Variants in ARSB observed in about 807,000 individuals in gnomAD.
ARSB encodes N-acetylgalactosamine-4-sulfatase.
ARSB carries 41 observed loss-of-function variants against 50.9 expected under a neutral mutation model. That is an observed-to-expected ratio of 0.81 (90% CI 0.63 to 1.04). ARSB has a LOEUF of 1.04. ARSB is among the 50% of genes least tolerant of loss of function. ARSB has a pLI of 0.00. For synonymous variants in ARSB, 269 were observed against 284.8 expected (o/e 0.94, Z 0.56); for missense variants, 672 against 693.3 (o/e 0.97, Z 0.35).
intron 4 of ARSB, among the ~76,000 whole-genome samples, chr5:78,938,802 T>C (rs992657970): frequency 2.0e-5 from 3 of 152,216 alleles, no homozygotes; most frequent in African/African-American, 7.2e-5. Flanking sequence ...CATGTAATAT[T>C]GTGAAAGCTC....
At chr5:78,926,249 G>A (rs1750043498) in intron 4 of ARSB, among the ~76,000 whole-genome samples, 1 of 152,168 alleles carries the variant, frequency 6.6e-6, no homozygotes. Flanking sequence ...GCACATCACA[G>A]CAAACAAGTT....
At chr5:78,780,707 G>T (rs61218089) in intron 7 of ARSB, 45 bp from the exon 8 acceptor site, 5 of 1,609,912 alleles carry the variant, frequency 3.1e-6, no homozygotes, top group Admixed American at 1.7e-5. Context: ...AAGCACAGAG[G>T]CAGGTTCTAA....
At chr5:78,843,235 A>G (rs956887988) in intron 5 of ARSB, among the ~76,000 whole-genome samples, 3 of 152,218 alleles carry the variant, frequency 2.0e-5, no homozygotes, top group African/African-American at 7.2e-5. Flanking sequence ...AATGGGGCCC[A>G]ATAATCTGCA....
intron 5 of ARSB, among the ~76,000 whole-genome samples, chr5:78,862,627 T>G (rs1056605604): frequency 6.6e-6 from 1 of 152,174 alleles, no homozygotes; most frequent in Non-Finnish European, 1.5e-5. Context: ...CTTAAATGTT[T>G]GACCTAAAAC....
At chr5:78,985,749 C>G (rs1368682626), upstream of ARSB, 2 of 152,232 alleles carry the variant, frequency 1.3e-5, no homozygotes, top group Non-Finnish European at 2.9e-5. Flanking sequence ...GTCTAGCTAG[C>G]AAGTCATTTC....
chr5:78,945,802 A>T (rs1323697374), intron 4 of ARSB, among the ~76,000 whole-genome samples: 1 of 151,874 alleles, frequency 6.6e-6, no homozygotes, highest in African/African-American at 2.4e-5. Flanking sequence ...TTCCTTTCTC[A>T]CAGGCTAGAA....
Position 78,985,058 on chromosome 5 carries a change from C to A in ARSB, c.191G>T (p.Gly64Val). 1 of 1,541,246 alleles carries A rather than the reference C, an allele frequency of 6.5e-7. No homozygotes were observed. The highest frequency in any genetic ancestry group is 1.9e-5 in the Admixed American group (1 of 51,592). Residue 64 changes from glycine (G) to valine (V), a missense_variant, in exon 1 of 8, where the codon GGC (glycine) becomes GTC (valine). Gly to Val is a moderately radical substitution (Grantham distance 109). Coordinates refer to ENST00000264914, the MANE Select transcript of ARSB (RefSeq NM_000046.5). Reference protein sequence around the residue: ...DLGWNDVGFHGSRIRTPHLDA... With the variant: ...DLGWNDVGFHVSRIRTPHLDA... ...CAGGTGCGGCGTGCGGATGCGGGAG[C>A]CGTGGAAGCCGACGTCGTTCCAGCC...
intron 4 of ARSB, among the ~76,000 whole-genome samples, chr5:78,936,421 G>A (rs1011846815): frequency 6.6e-6 from 1 of 151,202 alleles, no homozygotes; most frequent in African/African-American, 2.4e-5. Context: ...ACTGTGCCTG[G>A]CCAGGGTCTT....
intron 3 of ARSB, among the ~76,000 whole-genome samples, chr5:78,957,689 T>C (rs535670008): frequency 6.6e-6 from 1 of 152,270 alleles, no homozygotes; most frequent in Admixed American, 6.5e-5. Context: ...TCCAGCTGCA[T>C]GGTCATGCTG....
At chr5:78,867,239 G>A (rs934714471) in intron 5 of ARSB, among the ~76,000 whole-genome samples, 2 of 152,210 alleles carry the variant, frequency 1.3e-5, no homozygotes, top group African/African-American at 4.8e-5. Flanking sequence ...CGAGGCTGGG[G>A]GAGAGGCGCC....
At chr5:78,842,219 T>C (rs1745252327) in intron 5 of ARSB, among the ~76,000 whole-genome samples, 1 of 152,102 alleles carries the variant, frequency 6.6e-6, no homozygotes, top group Middle Eastern at 3.4e-3. Context: ...TCAAGTCACC[T>C]GGAGAAGACA....
intron 6 of ARSB, among the ~76,000 whole-genome samples, chr5:78,814,973 A>G (rs1743937155): frequency 6.7e-6 from 1 of 150,092 alleles, no homozygotes; most frequent in Admixed American, 6.6e-5. Context: ...ACCAAGAAGT[A>G]TTTGTTGAAT....
intron 6 of ARSB, among the ~76,000 whole-genome samples, chr5:78,802,993 AT>A (rs1252990319): frequency 1.3e-5 from 2 of 152,196 alleles, no homozygotes; most frequent in African/African-American, 4.8e-5. Flanking sequence ...ACTCCAGGAC[AT>A]TTTCTCCTGC....
intron 4 of ARSB, among the ~76,000 whole-genome samples, chr5:78,891,317 A>G (rs16876047): frequency 0.29 from 44,054 of 152,074 alleles, 8,432 homozygotes; most frequent in African/African-American, 0.54. Flanking sequence ...CCCCAGTGAG[A>G]ATTTAAGTAA....
At chr5:78,850,640 G>A (rs1038933950) in intron 5 of ARSB, among the ~76,000 whole-genome samples, 2 of 152,206 alleles carry the variant, frequency 1.3e-5, no homozygotes, top group African/African-American at 4.8e-5. Flanking sequence ...AATGGTACCA[G>A]TTCCTCCTTG....
chr5:78,906,697 C>T (rs972863400), intron 4 of ARSB, among the ~76,000 whole-genome samples: 25 of 152,084 alleles, frequency 1.6e-4, no homozygotes, highest in Non-Finnish European at 3.1e-4. Context: ...TTAGCACCAA[C>T]CTAAGTACTT....
chr5:78,824,074 G>A (rs1744339062), intron 6 of ARSB, among the ~76,000 whole-genome samples: 1 of 152,100 alleles, frequency 6.6e-6, no homozygotes, highest in South Asian at 2.1e-4. Context: ...AAAGAGCCTG[G>A]CATCTCTCTT....
chr5:78,846,381 T>C (rs1403651126), intron 5 of ARSB, among the ~76,000 whole-genome samples: 1 of 152,150 alleles, frequency 6.6e-6, no homozygotes, highest in Non-Finnish European at 1.5e-5. Flanking sequence ...TGTGGGTGCA[T>C]GTAAATTTTA....
intron 5 of ARSB, among the ~76,000 whole-genome samples, chr5:78,863,381 G>C (rs1746546258): frequency 6.6e-6 from 1 of 152,114 alleles, no homozygotes; most frequent in Non-Finnish European, 1.5e-5. Flanking sequence ...TGATAGACTG[G>C]ATTAAGAAAA....
Sources: allele counts gnomAD v4.1 joint callset (sites outside exome capture counted in the v4.1 genomes callset), GRCh38; gene constraint gnomAD v4.1.1; transcripts MANE v1.5; gene names NCBI Gene and HGNC (gene_info 2026-07-23, HGNC 2026-07-21).